Variants in GPR107 observed in about 807,000 individuals in gnomAD.
GPR107 encodes protein GPR107.
A neutral mutation model predicts 75.5 loss-of-function variants in GPR107; 31 were observed. That is an observed-to-expected ratio of 0.41 (90% CI 0.31 to 0.55). GPR107 has a LOEUF of 0.55. GPR107 is among the 20% of genes least tolerant of loss of function. GPR107 has a pLI of 0.26. For missense variants in GPR107, 572 were observed against 665.7 expected (o/e 0.86, Z 1.55); for synonymous variants, 267 against 251.3 (o/e 1.06, Z -0.59).
intron 1 of GPR107, among the ~76,000 whole-genome samples, chr9:130,061,203 A>T (rs1026726042): frequency 3.9e-5 from 6 of 152,212 alleles, no homozygotes; most frequent in African/African-American, 1.4e-4. Context: ...TTTGTGGAGT[A>T]TTCATTCTAG....
At position 130,079,479 on chromosome 9, in the gene GPR107, A is replaced by G. The variant is rs1830440645; in HGVS notation, c.387-151A>G. Reference sequence around the variant, plus strand: ...AAGTTATTTAACGTTTCTGAGCCTCAGTTTTGGTATCTGTAGAATGTGGAT... The same window carrying G: ...AAGTTATTTAACGTTTCTGAGCCTCGGTTTTGGTATCTGTAGAATGTGGAT... On this transcript the variant is annotated intron_variant, in intron 4 of 17. Coordinates refer to ENST00000347136, the MANE Select transcript of GPR107 (RefSeq NM_020960.5). 3 of 537,114 alleles carry G rather than the reference A, an allele frequency of 5.6e-6. No homozygotes were observed. In the East Asian group the frequency reaches 9.6e-5, roughly 17 times the overall value. The allele number at this position is 537,114 out of a possible 1,614,324, so 33.3% of individuals were successfully genotyped here.
intron 1 of GPR107, among the ~76,000 whole-genome samples, chr9:130,072,196 CTATT>C (rs1389695432): frequency 2.7e-5 from 4 of 150,602 alleles, no homozygotes; most frequent in Non-Finnish European, 5.9e-5. Flanking sequence ...TGAACTCTTT[CTATT>C]TATTTATTTT....
intron 7 of GPR107, 139 bp from the exon 8 acceptor site, chr9:130,090,737 C>A: frequency 4.4e-6 from 2 of 458,100 alleles, no homozygotes; most frequent in Non-Finnish European, 3.8e-6. Flanking sequence ...ATATTCATAA[C>A]TTATTTCTAA....
At chr9:130,114,029 C>CTTTTTTTTTTTCTTTTTT (rs1831363621) in intron 14 of GPR107, among the ~76,000 whole-genome samples, 1 of 90,660 alleles carries the variant, frequency 1.1e-5, no homozygotes, top group Non-Finnish European at 2.0e-5. Flanking sequence ...TCTTCTCATT[C>CTTTTTTTTTTTCTTTTTT]TTTTTTTTTT....
chr9:130,100,117 G>A (rs962776005), intron 10 of GPR107, among the ~76,000 whole-genome samples: 4 of 151,548 alleles, frequency 2.6e-5, no homozygotes, highest in African/African-American at 4.8e-5. Flanking sequence ...GGATGGTCTC[G>A]ATCTCCTGAC....
rs1238983293 is a variant in GPR107, at chr9:130,060,081, C to T, written c.141+6008C>T. 4.0e-5 allele frequency among the ~76,000 whole-genome samples: 6 copies of T among 150,816 alleles called. No homozygotes were observed. The East Asian group carries it at 5.9e-4, about 15-fold the overall frequency. On this transcript the variant is annotated intron_variant, in intron 1 of 17. Coordinates refer to ENST00000347136, the MANE Select transcript of GPR107 (RefSeq NM_020960.5). ...TTTATTTCGGGGGGAGGTTGGGGGG[C>T]GCACGGAGTCTCATCCTGTCCCCCA... is the stretch of plus-strand genomic sequence containing the variant.
rs1185318458 is a variant in GPR107, at chr9:130,099,510, C to T, written c.917C>T (p.Ser306Phe). The T allele has an allele frequency of 2.5e-6, 4 of 1,595,446 alleles. No homozygotes were observed. In the Admixed American group the frequency reaches 5.0e-5, roughly 20 times the overall value. The part of the protein sequence containing the change: ...WLMAALPFTK[S>F]LSLVFHAIDY... ...ATGGCGGCCCTTCCTTTCACCAAGT[C>T]TCTTTCCTTGGTGTTCCATGCAGTA... The change falls in exon 10 of 18, where the codon TCT (serine) becomes TTT (phenylalanine). Residue 306 changes from serine (S) to phenylalanine (F), a missense_variant. By Grantham distance (155) the Ser-to-Phe change is radical. Coordinates refer to ENST00000347136, the MANE Select transcript of GPR107 (RefSeq NM_020960.5).
At chr9:130,098,490 C>A (rs1201017008) in intron 9 of GPR107, among the ~76,000 whole-genome samples, 1 of 152,190 alleles carries the variant, frequency 6.6e-6, no homozygotes, top group African/African-American at 2.4e-5. Flanking sequence ...GAGTTCTGTG[C>A]TGTTTTCTCA....
At chr9:130,082,253 A>T (rs1457880509) in intron 5 of GPR107, among the ~76,000 whole-genome samples, 1 of 152,070 alleles carries the variant, frequency 6.6e-6, no homozygotes, top group Non-Finnish European at 1.5e-5. Flanking sequence ...AGACATCTAA[A>T]CTATGTCGTT....
Position 130,138,948 on chromosome 9 carries a change from GGTT to G in GPR107, c.*3832_*3834del, listed in dbSNP as rs1252734730. On this transcript the variant is annotated 3_prime_UTR_variant, in exon 18 of 18. Coordinates refer to ENST00000347136, the MANE Select transcript of GPR107 (RefSeq NM_020960.5). ...CTTAGAACATTAGATAGTCTGCTGA[GGTT>G]GTTGGCCCAGCTCCATACACCCAGT... 6.6e-6 allele frequency: 1 copy of G among 152,202 alleles called. No individual in the cohort carries two copies. Among genetic ancestry groups the G allele is most frequent in the African/African-American group, 2.4e-5 (1 of 41,436 alleles). The allele number at this position is 152,202 out of a possible 1,614,324, so 9.4% of individuals were successfully genotyped here.
At chr9:130,075,048 A>G (rs1830309748) in intron 1 of GPR107, among the ~76,000 whole-genome samples, 1 of 151,832 alleles carries the variant, frequency 6.6e-6, no homozygotes, top group Non-Finnish European at 1.5e-5. Flanking sequence ...ATACCAATGC[A>G]TTGGAGTGAA....
chr9:130,058,219 T>C (rs1454657475), intron 1 of GPR107, among the ~76,000 whole-genome samples: 1 of 152,206 alleles, frequency 6.6e-6, no homozygotes, highest in Non-Finnish European at 1.5e-5. Flanking sequence ...ATAATTTACA[T>C]ACCATAAGAT....
intron 1 of GPR107, among the ~76,000 whole-genome samples, chr9:130,066,723 T>C (rs1028724118): frequency 6.6e-6 from 1 of 151,998 alleles, no homozygotes; most frequent in Non-Finnish European, 1.5e-5. Context: ...CGGTGGCTCA[T>C]GCCTGTAATC....
chr9:130,078,202 C>T (rs912668022), intron 4 of GPR107, among the ~76,000 whole-genome samples: 4 of 151,694 alleles, frequency 2.6e-5, no homozygotes, highest in Admixed American at 1.3e-4. Flanking sequence ...GATGAATTAT[C>T]AGACTTTGTG....
At chr9:130,134,977 C>G in intron 17 of GPR107, 48 bp from the exon 18 acceptor site, 1 of 1,091,968 alleles carries the variant, frequency 9.2e-7, no homozygotes, top group Non-Finnish European at 1.4e-6. Context: ...TGGCCTTTTA[C>G]TAAGAGACTG....
intron 14 of GPR107, among the ~76,000 whole-genome samples, chr9:130,114,229 C>T (rs369683332): frequency 7.4e-6 from 1 of 135,116 alleles, no homozygotes; most frequent in African/African-American, 2.6e-5. Context: ...ATTAGCTGAG[C>T]GTGGTAGCGC....
intron 12 of GPR107, among the ~76,000 whole-genome samples, chr9:130,102,029 G>A (rs1835089940): frequency 6.6e-6 from 1 of 152,188 alleles, no homozygotes; most frequent in Non-Finnish European, 1.5e-5. Flanking sequence ...CAATAATGAG[G>A]AACATGTGTT....
intron 1 of GPR107, among the ~76,000 whole-genome samples, chr9:130,057,718 T>C (rs896399954): frequency 1.3e-5 from 2 of 151,926 alleles, no homozygotes; most frequent in African/African-American, 4.8e-5. Flanking sequence ...CTTATATTTT[T>C]ATTGTCTTAC....
chr9:130,100,200 G>A (rs1412059943), intron 10 of GPR107, among the ~76,000 whole-genome samples: 2 of 152,010 alleles, frequency 1.3e-5, no homozygotes, highest in African/African-American at 4.8e-5. Context: ...CGGCCTCCAC[G>A]ACTTTTTTAT....
Sources: allele counts gnomAD v4.1 joint callset (sites outside exome capture counted in the v4.1 genomes callset), GRCh38; gene constraint gnomAD v4.1.1; transcripts MANE v1.5; gene names NCBI Gene and HGNC (gene_info 2026-07-23, HGNC 2026-07-21).